FHIT: variants seen among roughly 807,000 people sequenced by gnomAD.
The protein encoded by FHIT is bis(5'-adenosyl)-triphosphatase.
A neutral mutation model predicts 17.9 loss-of-function variants in FHIT; 19 were observed. That is an observed-to-expected ratio of 1.06 (90% CI 0.74 to 1.56). FHIT has a LOEUF of 1.56. Among genes scored for constraint, FHIT ranks in the 40% most tolerant of loss-of-function variants. The pLI is 0.00. For missense variants in FHIT, 248 were observed against 189.2 expected, an observed-to-expected ratio of 1.31 and a Z score of -1.82; for synonymous variants, 81 against 69.7, an observed-to-expected ratio of 1.16 and a Z score of -0.81.
chr3:60,016,975 A>G (rs1404015324), intron 5 of FHIT, among the ~76,000 whole-genome samples: 5 of 152,236 alleles, frequency 3.3e-5, no homozygotes, highest in Admixed American at 3.3e-4. Flanking sequence ...ATAATTTCTT[A>G]TAGAAAATTA....
chr3:60,957,211 C>T (rs1164634831), intron 3 of FHIT, among the ~76,000 whole-genome samples: 1 of 151,070 alleles, frequency 6.6e-6, no homozygotes, highest in East Asian at 1.9e-4. Context: ...AACACAGCAC[C>T]ATCTTCTTCT....
At chr3:60,424,271 C>A (rs1440685604) in intron 5 of FHIT, among the ~76,000 whole-genome samples, 1 of 152,094 alleles carries the variant, frequency 6.6e-6, no homozygotes, top group Non-Finnish European at 1.5e-5. Flanking sequence ...CTAGACTACC[C>A]TGCGTCTCAA....
chr3:59,791,073 G>T (rs1002650028), intron 8 of FHIT, among the ~76,000 whole-genome samples: 7 of 152,142 alleles, frequency 4.6e-5, no homozygotes, highest in Non-Finnish European at 8.8e-5. Context: ...TAGGCCTGTT[G>T]TGTGTTGTTT....
intron 3 of FHIT, among the ~76,000 whole-genome samples, chr3:60,890,436 C>T (rs1705457390): frequency 6.6e-6 from 1 of 152,158 alleles, no homozygotes; most frequent in East Asian, 1.9e-4. Context: ...AAGCCACGCC[C>T]CAATTCCTGA....
At chr3:60,259,626 G>C (rs569638801) in intron 5 of FHIT, among the ~76,000 whole-genome samples, 1 of 152,176 alleles carries the variant, frequency 6.6e-6, no homozygotes, top group South Asian at 2.1e-4. Context: ...AGTAACTCCA[G>C]GAGCTAAGTA....
chr3:60,196,219 T>C (rs762878189), intron 5 of FHIT, among the ~76,000 whole-genome samples: 4 of 152,116 alleles, frequency 2.6e-5, no homozygotes, highest in Non-Finnish European at 5.9e-5. Context: ...AACCAAAAAG[T>C]AAGCAGGGCT....
intron 7 of FHIT, among the ~76,000 whole-genome samples, chr3:59,930,130 C>A (rs1705895091): frequency 6.6e-6 from 1 of 152,164 alleles, no homozygotes; most frequent in South Asian, 2.1e-4. Context: ...CTAGCGTATT[C>A]ATACACCAAC....
intron 5 of FHIT, among the ~76,000 whole-genome samples, chr3:60,336,089 T>G (rs1369895863): frequency 6.6e-6 from 1 of 152,158 alleles, no homozygotes; most frequent in Non-Finnish European, 1.5e-5. Flanking sequence ...AGTATTAGCA[T>G]TCAATCATGA....
chr3:60,757,231 TA>T (rs1699459595), intron 4 of FHIT, among the ~76,000 whole-genome samples: 1 of 152,254 alleles, frequency 6.6e-6, no homozygotes, highest in East Asian at 1.9e-4. Flanking sequence ...TCATTGAAAA[TA>T]ATGTTCCTTT....
At chr3:60,403,215 G>A (rs1428930495) in intron 5 of FHIT, among the ~76,000 whole-genome samples, 2 of 152,116 alleles carry the variant, frequency 1.3e-5, no homozygotes, top group Admixed American at 6.6e-5. Flanking sequence ...AACAGAGCTG[G>A]GCAAAGGAAA....
chr3:60,912,371 C>T (rs1706790842), intron 3 of FHIT, among the ~76,000 whole-genome samples: 1 of 152,060 alleles, frequency 6.6e-6, no homozygotes, highest in East Asian at 1.9e-4. Flanking sequence ...GTAACTGAAC[C>T]TCCCTGAGGC....
chr3:60,893,162 T>C (rs563033570), intron 3 of FHIT, among the ~76,000 whole-genome samples: 2 of 152,298 alleles, frequency 1.3e-5, no homozygotes, highest in African/African-American at 4.8e-5. Flanking sequence ...AGGAGCATCC[T>C]TATCTCTGAA....
intron 3 of FHIT, among the ~76,000 whole-genome samples, chr3:60,834,594 C>T (rs538496556): frequency 1.3e-5 from 2 of 152,132 alleles, no homozygotes; most frequent in South Asian, 2.1e-4. Flanking sequence ...CGTGGTGGCT[C>T]ACACCTGTAA....
At chr3:59,871,387 GCT>G (rs1702918111) in intron 8 of FHIT, among the ~76,000 whole-genome samples, 1 of 152,016 alleles carries the variant, frequency 6.6e-6, no homozygotes, top group Non-Finnish European at 1.5e-5. Flanking sequence ...TTTTCAAAAT[GCT>G]CTCTTATATG....
At chr3:60,912,324 C>T (rs1439553027) in intron 3 of FHIT, among the ~76,000 whole-genome samples, 5 of 152,044 alleles carry the variant, frequency 3.3e-5, no homozygotes, top group South Asian at 2.1e-4. Context: ...CCGATCATAC[C>T]GGGAAATGAA....
intron 8 of FHIT, among the ~76,000 whole-genome samples, chr3:59,778,687 G>A (rs1291836286): frequency 6.6e-6 from 1 of 152,206 alleles, no homozygotes; most frequent in Non-Finnish European, 1.5e-5. Context: ...CAACCCCTGG[G>A]ACAGAGACTT....
chr3:60,933,179 G>C (rs1331358353), intron 3 of FHIT, among the ~76,000 whole-genome samples: 1 of 152,166 alleles, frequency 6.6e-6, no homozygotes, highest in South Asian at 2.1e-4. Context: ...ACAAAGTTGT[G>C]TGTAGAATAA....
intron 5 of FHIT, among the ~76,000 whole-genome samples, chr3:60,495,452 G>A (rs980776108): frequency 1.3e-5 from 2 of 151,556 alleles, no homozygotes; most frequent in African/African-American, 4.8e-5. Flanking sequence ...TGTTTATGAG[G>A]TAAACAAATA....
At chr3:60,740,236 A>G (rs1223948784) in intron 4 of FHIT, among the ~76,000 whole-genome samples, 1 of 152,208 alleles carries the variant, frequency 6.6e-6, no homozygotes, top group Admixed American at 6.5e-5. Context: ...GGTTTAGCCT[A>G]AGAGCATAAG....
Sources: allele counts gnomAD v4.1 joint callset (sites outside exome capture counted in the v4.1 genomes callset), GRCh38; gene constraint gnomAD v4.1.1; transcripts MANE v1.5; gene names NCBI Gene and HGNC (gene_info 2026-07-23, HGNC 2026-07-21).